Variants in RIMS1 observed in about 807,000 individuals in gnomAD.
RIMS1 encodes regulating synaptic membrane exocytosis protein 1.
A neutral mutation model predicts 214.1 loss-of-function variants in RIMS1; 83 were observed. That is an observed-to-expected ratio of 0.39 (90% CI 0.32 to 0.47). The LOEUF (loss-of-function observed/expected upper bound fraction) is 0.47. RIMS1 is among the 20% of genes least tolerant of loss of function. The probability of loss-of-function intolerance (pLI) is 0.99; values close to 1 mark genes in which losing one functional copy is unlikely to be tolerated. For synonymous variants in RIMS1, 793 were observed against 786.8 expected (o/e 1.01, Z -0.13); for missense variants, 2,050 against 2,161.8 (o/e 0.95, Z 1.03).
Position 72,078,254 on chromosome 6 carries a change from T to C in RIMS1, c.246-18695T>C, listed in dbSNP as rs142310380. Among the ~76,000 whole-genome samples the C allele has an allele frequency of 1.4e-3, 220 of 152,328 alleles. 2 individuals are homozygous for C. The highest frequency in any genetic ancestry group is 5.2e-3 in the African/African-American group (215 of 41,570). ...GCAGCAGGTTGCACACAGTGACAAA[T>C]TAGCGGTGCTCTTAGCCAGGCTGTT... On this transcript the variant is annotated intron_variant, in intron 2 of 33. Coordinates refer to ENST00000521978, the MANE Select transcript of RIMS1 (RefSeq NM_014989.7).
intron 6 of RIMS1, among the ~76,000 whole-genome samples, chr6:72,190,186 G>T (rs2049828429): frequency 6.6e-6 from 1 of 152,100 alleles, no homozygotes; most frequent in African/African-American, 2.4e-5. Context: ...GTAGTAGGCT[G>T]GGGAAGCTGG....
chr6:72,250,343 A>G lies in RIMS1; in HGVS notation c.2255A>G (p.Tyr752Cys), dbSNP rs748656087. The G allele has an allele frequency of 1.7e-5, 27 of 1,608,136 alleles. No homozygotes were observed. The highest frequency in any genetic ancestry group is 2.3e-5 in the Non-Finnish European group (27 of 1,177,506). The change falls in exon 13 of 34, where the codon TAT becomes TGT. Residue 752 changes from tyrosine (Y) to cysteine (C), a missense_variant. Tyr to Cys is a radical substitution (Grantham distance 194). Around this residue, in one of 6 missense-constraint regions of RIMS1, gnomAD observed 111 missense variants for 166.2 expected, o/e 0.67. Transcript: ENST00000521978. ...CATTGCTCCTAGGTGAAGTTGTGGT[A>G]TGATAAAGTGGGACACCAGCTGATT... is the stretch of plus-strand genomic sequence containing the variant. ...LPGQLSVKLW[Y>C]DKVGHQLIVN... is the part of the protein sequence containing the mutation.
At chr6:72,294,985 A>G (rs993946043) in intron 26 of RIMS1, among the ~76,000 whole-genome samples, 19 of 151,758 alleles carry the variant, frequency 1.3e-4, no homozygotes, top group African/African-American at 4.1e-4. Context: ...TCAACACAAT[A>G]TCCCAGCATA....
At chr6:72,246,673 T>G (rs900483005) in intron 11 of RIMS1, among the ~76,000 whole-genome samples, 1 of 152,150 alleles carries the variant, frequency 6.6e-6, no homozygotes, top group African/African-American at 2.4e-5. Context: ...TCATATAAAA[T>G]GCATACCATC....
chr6:71,915,107 C>T (rs1470133924), intron 1 of RIMS1, among the ~76,000 whole-genome samples: 1 of 152,040 alleles, frequency 6.6e-6, no homozygotes, highest in Non-Finnish European at 1.5e-5. Flanking sequence ...CATACAGACC[C>T]AAGGCCTTCT....
At chr6:72,355,720 C>G (rs950892944) in intron 29 of RIMS1, among the ~76,000 whole-genome samples, 1 of 152,150 alleles carries the variant, frequency 6.6e-6, no homozygotes, top group South Asian at 2.1e-4. Flanking sequence ...ATCTAGTTTC[C>G]CAGTGGTTTA....
At chr6:72,050,565 A>T (rs1347470019) in intron 2 of RIMS1, among the ~76,000 whole-genome samples, 1 of 151,834 alleles carries the variant, frequency 6.6e-6, no homozygotes, top group African/African-American at 2.4e-5. Context: ...TTGGGGTGTG[A>T]GTGTGTCTTC....
At chr6:72,365,396 A>G (rs149269149) in intron 29 of RIMS1, among the ~76,000 whole-genome samples, 1 of 152,314 alleles carries the variant, frequency 6.6e-6, no homozygotes, top group Non-Finnish European at 1.5e-5. Context: ...TACATTGTTT[A>G]CCAAGGTACC....
intron 1 of RIMS1, among the ~76,000 whole-genome samples, chr6:71,967,913 A>T (rs1374848908): frequency 3.9e-5 from 6 of 152,126 alleles, no homozygotes; most frequent in Admixed American, 3.9e-4. Flanking sequence ...ATGCAGCCTT[A>T]AGCTCTGGGA....
At chr6:71,897,439 G>A (rs9342903) in intron 1 of RIMS1, among the ~76,000 whole-genome samples, 13,849 of 152,098 alleles carry the variant, frequency 0.091, 700 homozygotes, top group East Asian at 0.19. Flanking sequence ...TCTTTGGTCC[G>A]TGAATACATT....
chr6:71,929,710 T>C (rs961635525), intron 1 of RIMS1, among the ~76,000 whole-genome samples: 1 of 147,976 alleles, frequency 6.8e-6, no homozygotes, highest in Admixed American at 6.8e-5. Context: ...AACCCTAAAT[T>C]ATAAAAAAAC....
At chr6:72,389,642 C>T (rs539515478) in intron 29 of RIMS1, among the ~76,000 whole-genome samples, 1 of 152,140 alleles carries the variant, frequency 6.6e-6, no homozygotes, top group South Asian at 2.1e-4. Flanking sequence ...GTATATAGAG[C>T]ATTTTTCATA....
intron 4 of RIMS1, among the ~76,000 whole-genome samples, chr6:72,162,287 A>G (rs1280050548): frequency 7.1e-6 from 1 of 140,042 alleles, no homozygotes; most frequent in East Asian, 2.0e-4. Flanking sequence ...GTGTCTCTGC[A>G]TGTGAGATGG....
At chr6:72,098,289 CTTT>C (rs58934201) in intron 3 of RIMS1, among the ~76,000 whole-genome samples, 23 of 143,382 alleles carry the variant, frequency 1.6e-4, no homozygotes, top group South Asian at 6.6e-4. Context: ...ATCAATATAT[CTTT>C]TTTTTTTTTT....
intron 2 of RIMS1, among the ~76,000 whole-genome samples, chr6:72,023,025 T>G (rs768820586): frequency 9.2e-5 from 14 of 152,206 alleles, no homozygotes; most frequent in Non-Finnish European, 1.5e-4. Flanking sequence ...TACTCGTGCA[T>G]GAGTTCTCCA....
intron 1 of RIMS1, among the ~76,000 whole-genome samples, chr6:71,908,605 G>T (rs1157150480): frequency 6.6e-6 from 1 of 152,174 alleles, no homozygotes; most frequent in African/African-American, 2.4e-5. Context: ...TAGGCTCTGA[G>T]GTGTTACAGA....
intron 2 of RIMS1, among the ~76,000 whole-genome samples, chr6:72,032,670 A>G (rs1167231426): frequency 6.6e-6 from 1 of 152,220 alleles, no homozygotes; most frequent in African/African-American, 2.4e-5. Flanking sequence ...TAAATTCACA[A>G]TGGGAAGCAG....
intron 25 of RIMS1, among the ~76,000 whole-genome samples, chr6:72,291,536 G>T (rs2093387824): frequency 6.6e-6 from 1 of 152,168 alleles, no homozygotes; most frequent in African/African-American, 2.4e-5. Context: ...ATCAATTTAA[G>T]AGTAGCAGTT....
intron 6 of RIMS1, among the ~76,000 whole-genome samples, chr6:72,190,239 G>A (rs887186974): frequency 1.3e-5 from 2 of 152,000 alleles, no homozygotes; most frequent in African/African-American, 2.4e-5. Flanking sequence ...CGAGGTGGGC[G>A]GATCACCTGA....
Sources: gnomAD v4.1 joint callset for allele counts (sites outside exome capture counted in the v4.1 genomes callset) on GRCh38, gnomAD v4.1.1 for gene constraint, gnomAD v4.1.1 regional missense constraint, MANE v1.5 for transcripts, NCBI Gene and HGNC (gene_info 2026-07-23, HGNC 2026-07-21) for gene names.